RIMS1: variants seen among roughly 807,000 people sequenced by gnomAD.
RIMS1 encodes the protein regulating synaptic membrane exocytosis 1.
RIMS1 carries 83 observed loss-of-function variants against 214.1 expected under a neutral mutation model. That is an observed-to-expected ratio of 0.39 (90% CI 0.32 to 0.47). The LOEUF (loss-of-function observed/expected upper bound fraction) is 0.47, where lower values mean the gene tolerates loss of function less well. RIMS1 is among the 20% of genes least tolerant of loss of function. RIMS1 has a pLI of 0.99. For missense variants in RIMS1, 2,050 were observed against 2,161.8 expected, an observed-to-expected ratio of 0.95 and a Z score of 1.03; for synonymous variants, 793 against 786.8, an observed-to-expected ratio of 1.01 and a Z score of -0.13.
At chr6:72,284,690 T>C (rs932984796) in intron 24 of RIMS1, among the ~76,000 whole-genome samples, 2 of 152,160 alleles carry the variant, frequency 1.3e-5, no homozygotes, top group Non-Finnish European at 1.5e-5. Flanking sequence ...TTGACACTTT[T>C]TTTTTTAACA....
chr6:71,900,700 T>C lies in RIMS1; in HGVS notation c.164+13513T>C, dbSNP rs1002590947. On this transcript the variant is annotated intron_variant, in intron 1 of 33. Coordinates refer to ENST00000521978, the MANE Select transcript of RIMS1 (RefSeq NM_014989.7). ...CACCAAGTTTTGGGAGTATCTGGAG[T>C]GGTGGAAGAGAGATCCCAAATTTAG... Among the ~76,000 whole-genome samples the C allele has an allele frequency of 3.3e-5, 5 of 152,040 alleles. No individual in the cohort carries two copies. The South Asian group carries it at 8.3e-4, about 25-fold the overall frequency.
chr6:72,066,142 T>C (rs1829244617), intron 2 of RIMS1, among the ~76,000 whole-genome samples: 1 of 152,146 alleles, frequency 6.6e-6, no homozygotes, highest in African/African-American at 2.4e-5. Context: ...TAAGTGCGTT[T>C]GAGATACACA....
Position 72,360,246 on chromosome 6 carries a change from A to G in RIMS1, c.4366+26411A>G, listed in dbSNP as rs371770982. ...TAGCTTTTGTAGTATTTTGATTTGT[A>G]TCAAATAATAGACTATAAACACCCT... On this transcript the variant is annotated intron_variant, in intron 29 of 33. Transcript: ENST00000521978. Among the ~76,000 whole-genome samples, 263 of 152,338 alleles carry G rather than the reference A, an allele frequency of 1.7e-3. 4 individuals carry two copies. Among genetic ancestry groups the G allele is most frequent in the Non-Finnish European group, 8.1e-4 (55 of 68,020 alleles).
rs759913872 is a variant in RIMS1, at chr6:72,182,671, G to C, written c.1200G>C (p.Ala400=). 7 of 1,445,788 alleles carry C rather than the reference G, an allele frequency of 4.8e-6. No homozygotes were observed. The highest frequency in any genetic ancestry group is 6.3e-6 in the Non-Finnish European group (7 of 1,105,456). The allele number at this position is 1,445,788 out of a possible 1,614,324, so 89.6% of individuals were successfully genotyped here. A position where few individuals can be genotyped will look rare whatever the true frequency, so the allele number is the denominator to read the frequency against. ...HSDVALPRTE[A]GAALPEGKAG... is the part of the protein sequence containing the mutation. ...ACGTGGCGCTCCCGCGCACCGAGGC[G>C]GGCGCGGCGCTGCCGGAGGGCAAGG... Residue 400 remains alanine, a synonymous_variant, in exon 6 of 34, where the codon GCG becomes GCC. Coordinates refer to ENST00000521978, the MANE Select transcript of RIMS1 (RefSeq NM_014989.7).
At chr6:71,969,761 A>T (rs191045252) in intron 2 of RIMS1, among the ~76,000 whole-genome samples, 11 of 152,318 alleles carry the variant, frequency 7.2e-5, no homozygotes, top group Non-Finnish European at 1.0e-4. Flanking sequence ...GTAAGCCAAG[A>T]TCGTGCCACT....
At chr6:72,017,603 T>C (rs1813192204) in intron 2 of RIMS1, among the ~76,000 whole-genome samples, 1 of 152,242 alleles carries the variant, frequency 6.6e-6, no homozygotes, top group African/African-American at 2.4e-5. Flanking sequence ...GCATTTATTA[T>C]GTATTGGAAA....
At chr6:71,933,773 C>T (rs935818896) in intron 1 of RIMS1, among the ~76,000 whole-genome samples, 3 of 151,846 alleles carry the variant, frequency 2.0e-5, no homozygotes, top group African/African-American at 7.3e-5. Flanking sequence ...ATAGGACTTT[C>T]TTCCAATCAG....
rs183359156 is a variant in RIMS1, at chr6:72,040,807, A to G, written c.246-56142A>G. 3.4e-4 allele frequency among the ~76,000 whole-genome samples: 52 copies of G among 152,008 alleles called. 3 individuals are homozygous for G. The East Asian group carries it at 9.1e-3, about 26-fold the overall frequency. Reference sequence around the variant, plus strand: ...ACTTTTGTTTACTCTTGATTTTTCTAGTATTCATTTAAATTTGAACTTTAA... The same window carrying G: ...ACTTTTGTTTACTCTTGATTTTTCTGGTATTCATTTAAATTTGAACTTTAA... On this transcript the variant is annotated intron_variant, in intron 2 of 33. Coordinates refer to ENST00000521978, the MANE Select transcript of RIMS1 (RefSeq NM_014989.7).
chr6:71,982,028 C>T (rs1319414261), intron 2 of RIMS1, among the ~76,000 whole-genome samples: 5 of 151,682 alleles, frequency 3.3e-5, no homozygotes, highest in African/African-American at 9.7e-5. Context: ...TATATTATCT[C>T]CCTTATTGAT....
intron 2 of RIMS1, among the ~76,000 whole-genome samples, chr6:72,082,269 A>G (rs1212649285): frequency 1.3e-5 from 2 of 152,204 alleles, no homozygotes; most frequent in Admixed American, 6.5e-5. Context: ...CAGGACCATA[A>G]TAGATGTTTT....
chr6:71,949,470 A>G (rs1788811141), intron 1 of RIMS1, among the ~76,000 whole-genome samples: 2 of 152,212 alleles, frequency 1.3e-5, no homozygotes, highest in Admixed American at 6.5e-5. Flanking sequence ...GACTGAGGCT[A>G]TAGACCACCT....
At chr6:72,241,578 A>G (rs887383651) in intron 9 of RIMS1, among the ~76,000 whole-genome samples, 1 of 152,052 alleles carries the variant, frequency 6.6e-6, no homozygotes, top group African/African-American at 2.4e-5. Context: ...TTTAACAACT[A>G]TGTACTGTAT....
chr6:72,277,303 C>T (rs117229944), intron 23 of RIMS1, among the ~76,000 whole-genome samples: 3,543 of 152,184 alleles, frequency 0.023, 62 homozygotes, highest in Non-Finnish European at 0.035. Context: ...TTCTAGAGGC[C>T]GGGCGAGGTG....
intron 2 of RIMS1, among the ~76,000 whole-genome samples, chr6:71,980,050 T>C (rs1459659192): frequency 6.6e-6 from 1 of 152,168 alleles, no homozygotes; most frequent in African/African-American, 2.4e-5. Context: ...TCAGCCTGGT[T>C]ACTCTGTGAA....
intron 6 of RIMS1, among the ~76,000 whole-genome samples, chr6:72,197,368 T>C (rs1369258911): frequency 6.6e-6 from 1 of 151,904 alleles, no homozygotes; most frequent in African/African-American, 2.4e-5. Flanking sequence ...ACATTGACCC[T>C]GGAAATAAGA....
At chr6:72,202,874 A>G (rs889694452) in intron 6 of RIMS1, among the ~76,000 whole-genome samples, 1 of 152,240 alleles carries the variant, frequency 6.6e-6, no homozygotes, top group Admixed American at 6.5e-5. Flanking sequence ...ACCTGGAAAT[A>G]ATAATTGCAC....
chr6:71,945,852 C>G (rs897083031), intron 1 of RIMS1, among the ~76,000 whole-genome samples: 2 of 151,164 alleles, frequency 1.3e-5, no homozygotes, highest in African/African-American at 4.9e-5. Flanking sequence ...TGGGTTCAAG[C>G]GATTCTCCTG....
intron 24 of RIMS1, among the ~76,000 whole-genome samples, chr6:72,286,120 C>T (rs993445659): frequency 6.6e-6 from 1 of 151,704 alleles, no homozygotes; most frequent in Non-Finnish European, 1.5e-5. Flanking sequence ...TTGCTTGAAC[C>T]TAGGAGGTGG....
At chr6:71,972,394 C>G (rs564130392) in intron 2 of RIMS1, among the ~76,000 whole-genome samples, 2 of 151,806 alleles carry the variant, frequency 1.3e-5, no homozygotes, top group East Asian at 1.9e-4. Context: ...AAAGCTCAAC[C>G]GAGTAGGGAA....
Sources: allele counts gnomAD v4.1 joint callset (sites outside exome capture counted in the v4.1 genomes callset), GRCh38; gene constraint gnomAD v4.1.1; transcripts MANE v1.5; gene names NCBI Gene and HGNC (gene_info 2026-07-23, HGNC 2026-07-21).